PPM1E: variants seen among roughly 807,000 people sequenced by gnomAD.
PPM1E encodes the protein protein phosphatase 1E.
PPM1E carries 20 observed loss-of-function variants against 65.9 expected under a neutral mutation model. The ratio of observed to expected loss-of-function variants is 0.30; its 90% confidence interval spans 0.21 to 0.44. The LOEUF (loss-of-function observed/expected upper bound fraction) is 0.44, where lower values mean the gene tolerates loss of function less well. PPM1E is among the 20% of genes least tolerant of loss of function. The pLI, the probability that PPM1E is intolerant of heterozygous loss-of-function variation, is 1.00. For missense variants in PPM1E, 713 were observed against 953.1 expected (o/e 0.75, Z 3.32); for synonymous variants, 352 against 374.9 (o/e 0.94, Z 0.70).
At chr17:58,842,977 A>ATTATGATTTTAAAAAGAG (rs2050734359) in intron 1 of PPM1E, among the ~76,000 whole-genome samples, 2 of 151,906 alleles carry the variant, frequency 1.3e-5, no homozygotes, top group African/African-American at 4.8e-5. Flanking sequence ...TTTAAAAAGA[A>ATTATGATTTTAAAAAGAG]TTATAATTTT....
intron 1 of PPM1E, among the ~76,000 whole-genome samples, chr17:58,932,356 C>G (rs1308098355): frequency 6.6e-6 from 1 of 152,100 alleles, no homozygotes; most frequent in Non-Finnish European, 1.5e-5. Context: ...GTAATCCCAG[C>G]TACTCAGGAG....
intron 1 of PPM1E, among the ~76,000 whole-genome samples, chr17:58,898,638 AC>A (rs2051455516): frequency 6.6e-6 from 1 of 152,162 alleles, no homozygotes; most frequent in East Asian, 1.9e-4. Context: ...ATACCATTTG[AC>A]CCAGCAATCC....
chr17:58,983,131 A>T lies in PPM1E; in HGVS notation c.*2100A>T, dbSNP rs1328881570. 1 of 514,094 alleles carries T rather than the reference A, an allele frequency of 1.9e-6. No individual in the cohort carries two copies. The highest frequency in any genetic ancestry group is 3.1e-5 in the East Asian group (1 of 32,400). The allele number at this position is 514,094 out of a possible 1,614,324, so 31.8% of individuals were successfully genotyped here. ...AAAATGGCTGGATAGAACTGGGACA[A>T]ACACAGACCCATCTTTAGGGGTCTG... On this transcript the variant is annotated 3_prime_UTR_variant, in exon 7 of 7. Coordinates refer to ENST00000308249, the MANE Select transcript of PPM1E (RefSeq NM_014906.5).
intron 1 of PPM1E, among the ~76,000 whole-genome samples, chr17:58,951,795 A>G (rs1353780485): frequency 1.3e-5 from 2 of 152,176 alleles, no homozygotes; most frequent in African/African-American, 2.4e-5. Flanking sequence ...TGAGACCTTC[A>G]TCTCAAATTT....
intron 1 of PPM1E, among the ~76,000 whole-genome samples, chr17:58,787,777 G>C (rs2050115256): frequency 1.3e-5 from 2 of 151,634 alleles, no homozygotes; most frequent in Admixed American, 1.3e-4. Flanking sequence ...CGTGGTGGCA[G>C]GCGCCTGTAG....
chr17:58,915,083 G>A (rs1247169500), intron 1 of PPM1E, among the ~76,000 whole-genome samples: 1 of 152,116 alleles, frequency 6.6e-6, no homozygotes, highest in Admixed American at 6.5e-5. Context: ...CCCCAAGAGA[G>A]GGTTCTTGGA....
chr17:58,920,528 A>G lies in PPM1E; in HGVS notation c.465-35121A>G, dbSNP rs1246718550. ...ACAGGACCTTGGATCCATTTTCTCT[A>G]TGATCTTCACTACCCTCCTTCCTTG... On this transcript the variant is annotated intron_variant, in intron 1 of 6. Coordinates refer to ENST00000308249, the MANE Select transcript of PPM1E (RefSeq NM_014906.5). Among the ~76,000 whole-genome samples, 6 of 152,298 alleles carry G rather than the reference A, an allele frequency of 3.9e-5. No individual in the cohort carries two copies. The East Asian group carries it at 1.2e-3, about 29-fold the overall frequency.
chr17:58,821,548 C>T (rs957322798), intron 1 of PPM1E, among the ~76,000 whole-genome samples: 2 of 152,164 alleles, frequency 1.3e-5, no homozygotes, highest in Admixed American at 6.5e-5. Context: ...AGAATAATGA[C>T]ACATTCTTTG....
At chr17:58,801,676 C>T (rs1207345513) in intron 1 of PPM1E, among the ~76,000 whole-genome samples, 1 of 151,746 alleles carries the variant, frequency 6.6e-6, no homozygotes, top group Admixed American at 6.6e-5. Context: ...CTCTTGACCT[C>T]GTGATCTGTC....
At position 58,955,463 on chromosome 17, in the gene PPM1E, C is replaced by T. The variant is rs1385909782; in HGVS notation, c.465-186C>T. On this transcript the variant is annotated intron_variant, in intron 1 of 6. Transcript: ENST00000308249. Reference sequence around the variant, plus strand: ...AGCTCCTTTAGGTAAGGAGCCATGTCTGTGTTATGCATCAATATATATCCA... The same window carrying T: ...AGCTCCTTTAGGTAAGGAGCCATGTTTGTGTTATGCATCAATATATATCCA... The T allele has an allele frequency of 8.9e-6, 6 of 671,072 alleles. No individual in the cohort carries two copies. The Admixed American group carries it at 1.2e-4, about 14-fold the overall frequency. 41.6% of individuals were successfully genotyped at this position (671,072 alleles called of 1,614,324 possible).
intron 1 of PPM1E, among the ~76,000 whole-genome samples, chr17:58,782,127 A>G (rs1452967677): frequency 1.3e-5 from 2 of 152,164 alleles, no homozygotes; most frequent in African/African-American, 4.8e-5. Flanking sequence ...TCTGGAGACA[A>G]AGTGACCAGA....
intron 1 of PPM1E, among the ~76,000 whole-genome samples, chr17:58,832,319 AC>A (rs1223862015): frequency 3.9e-5 from 6 of 152,178 alleles, no homozygotes; most frequent in Non-Finnish European, 8.8e-5. Flanking sequence ...TCTAACCAGC[AC>A]AGACTAGAGT....
At chr17:58,942,741 G>T (rs1291885158) in intron 1 of PPM1E, among the ~76,000 whole-genome samples, 2 of 151,954 alleles carry the variant, frequency 1.3e-5, no homozygotes, top group Admixed American at 1.3e-4. Context: ...AAGTTAGTGG[G>T]TGCAGCGCAT....
chr17:58,966,646 A>G (rs2030274950), intron 3 of PPM1E: 1 of 158,558 alleles, frequency 6.3e-6, no homozygotes, highest in African/African-American at 2.4e-5. Flanking sequence ...TTGGATCTAT[A>G]TGAGCCTTGG....
chr17:58,957,071 A>G (rs1163441772), intron 2 of PPM1E, among the ~76,000 whole-genome samples: 1 of 152,206 alleles, frequency 6.6e-6, no homozygotes, highest in Non-Finnish European at 1.5e-5. Context: ...CTACTGATGC[A>G]TAGAGTAAAA....
chr17:58,791,328 A>G (rs2050156195), intron 1 of PPM1E, among the ~76,000 whole-genome samples: 1 of 152,238 alleles, frequency 6.6e-6, no homozygotes, highest in South Asian at 2.1e-4. Flanking sequence ...ATGAACAGGA[A>G]TAAAAGGAAA....
chr17:58,869,870 G>A (rs2051050570), intron 1 of PPM1E, among the ~76,000 whole-genome samples: 1 of 152,208 alleles, frequency 6.6e-6, no homozygotes, highest in Admixed American at 6.5e-5. Flanking sequence ...TTTCTCTAAT[G>A]TGCCTTTGCT....
At chr17:58,837,332 T>TACACATACACAC (rs1555613260) in intron 1 of PPM1E, among the ~76,000 whole-genome samples, 3 of 131,366 alleles carry the variant, frequency 2.3e-5, no homozygotes, top group South Asian at 2.5e-4. Context: ...CACACACACA[T>TACACATACACAC]ACACACACAC....
intron 1 of PPM1E, among the ~76,000 whole-genome samples, chr17:58,835,529 T>C (rs1254890427): frequency 6.6e-6 from 1 of 152,126 alleles, no homozygotes; most frequent in Non-Finnish European, 1.5e-5. Context: ...TATTAAAACA[T>C]ATATTTTTGA....
Sources: gnomAD v4.1 joint callset for allele counts (sites outside exome capture counted in the v4.1 genomes callset) on GRCh38, gnomAD v4.1.1 for gene constraint, MANE v1.5 for transcripts, NCBI Gene and HGNC (gene_info 2026-07-23, HGNC 2026-07-21) for gene names.